The following CDH12 variants were observed in gnomAD, a reference collection of about 807,000 sequenced individuals.
CDH12 encodes the protein cadherin 12.
A neutral mutation model predicts 74.1 loss-of-function variants in CDH12; 41 were observed. That is an observed-to-expected ratio of 0.55 (90% CI 0.43 to 0.72). CDH12 has a LOEUF of 0.72. Ranked by LOEUF, CDH12 falls within the 30% of genes least tolerant of loss-of-function variation. CDH12 has a pLI of 0.00. For missense variants in CDH12, 945 were observed against 977.2 expected (o/e 0.97, Z 0.44); for synonymous variants, 399 against 355.0 (o/e 1.12, Z -1.39).
intron 1 of CDH12, among the ~76,000 whole-genome samples, chr5:22,830,926 A>T (rs537319375): frequency 6.8e-4 from 104 of 151,904 alleles, no homozygotes; most frequent in African/African-American, 2.4e-3. Flanking sequence ...ATGAAACAAC[A>T]TAAACTCCTC....
chr5:22,508,739 T>A (rs114648278), intron 1 of CDH12, among the ~76,000 whole-genome samples: 4 of 152,120 alleles, frequency 2.6e-5, no homozygotes, highest in African/African-American at 9.7e-5. Context: ...ACCTACAGCC[T>A]GGAAACCACC....
At chr5:22,487,137 G>C (rs535280015) in intron 2 of CDH12, among the ~76,000 whole-genome samples, 1 of 151,878 alleles carries the variant, frequency 6.6e-6, no homozygotes, top group Non-Finnish European at 1.5e-5. Flanking sequence ...TGAGTAGCTG[G>C]GATTACAGGC....
intron 3 of CDH12, among the ~76,000 whole-genome samples, chr5:22,220,346 T>C (rs1428944524): frequency 2.0e-5 from 3 of 151,736 alleles, no homozygotes; most frequent in African/African-American, 4.8e-5. Flanking sequence ...ATTTTATTGA[T>C]TAGACATAAA....
At chr5:22,406,289 T>C (rs1231047603) in intron 2 of CDH12, among the ~76,000 whole-genome samples, 1 of 152,128 alleles carries the variant, frequency 6.6e-6, no homozygotes, top group Non-Finnish European at 1.5e-5. Flanking sequence ...AATTAATAGT[T>C]AGCTGAACTG....
chr5:22,311,243 T>C (rs950442667), intron 3 of CDH12, among the ~76,000 whole-genome samples: 1 of 152,258 alleles, frequency 6.6e-6, no homozygotes, highest in Non-Finnish European at 1.5e-5. Flanking sequence ...TAGGAGCAAT[T>C]ACAAGTAGGA....
intron 3 of CDH12, among the ~76,000 whole-genome samples, chr5:22,321,249 G>A (rs992115820): frequency 4.0e-5 from 6 of 150,810 alleles, no homozygotes; most frequent in African/African-American, 1.5e-4. Context: ...CAACCCAAAT[G>A]TCCAACAATG....
At chr5:22,170,298 T>A (rs913949677) in intron 4 of CDH12, among the ~76,000 whole-genome samples, 4 of 151,968 alleles carry the variant, frequency 2.6e-5, no homozygotes, top group African/African-American at 9.7e-5. Flanking sequence ...TCTTGATGTA[T>A]CTTCTAGGTG....
At chr5:22,374,061 AC>A (rs1741412733) in intron 3 of CDH12, among the ~76,000 whole-genome samples, 1 of 152,168 alleles carries the variant, frequency 6.6e-6, no homozygotes, top group African/African-American at 2.4e-5. Flanking sequence ...AAAATCCTCA[AC>A]AAAATACTAG....
rs70957059 is a variant in CDH12, at chr5:21,751,632, T to TTGTGTGTGTGTGTGTG, written c.*89_*104dup. 6.9e-4 allele frequency: 397 copies of TTGTGTGTGTGTGTGTG among 572,970 alleles called. 1 individual carries two copies. In the African/African-American group the frequency reaches 7.0e-3, roughly 10 times the overall value. 35.5% of individuals were successfully genotyped at this position (572,970 alleles called of 1,614,324 possible). A position where few individuals can be genotyped will look rare whatever the true frequency, so the allele number is the denominator to read the frequency against. On this transcript the variant is annotated 3_prime_UTR_variant, in exon 15 of 15. Coordinates refer to ENST00000382254, the MANE Select transcript of CDH12 (RefSeq NM_004061.5). ...AGAGTGTGTGTGTGTGTGTGTGTGT[T>TTGTGTGTGTGTGTGTG]TGTGTGTGTGTGTGTGTGTGAGAGA...
At chr5:22,723,607 C>A (rs977268644) in intron 1 of CDH12, among the ~76,000 whole-genome samples, 2 of 152,102 alleles carry the variant, frequency 1.3e-5, no homozygotes, top group Non-Finnish European at 2.9e-5. Context: ...TACCTCCTGG[C>A]ACAATCATCA....
chr5:22,495,856 C>G (rs941013964), intron 2 of CDH12, among the ~76,000 whole-genome samples: 10 of 152,028 alleles, frequency 6.6e-5, no homozygotes, highest in Non-Finnish European at 1.2e-4. Context: ...ATTTTGACAT[C>G]GGGGAAACAC....
intron 4 of CDH12, among the ~76,000 whole-genome samples, chr5:22,198,728 G>GC (rs1750759657): frequency 6.6e-6 from 1 of 151,972 alleles, no homozygotes; most frequent in Non-Finnish European, 1.5e-5. Context: ...ATTGGTAATG[G>GC]CTTTATGTGG....
chr5:22,678,012 T>C (rs1341526970), intron 1 of CDH12, among the ~76,000 whole-genome samples: 1 of 136,990 alleles, frequency 7.3e-6, no homozygotes, highest in Non-Finnish European at 1.6e-5. Flanking sequence ...TAAACCTAAA[T>C]ACCAGAAGGC....
At chr5:22,244,672 A>C (rs370286382) in intron 3 of CDH12, among the ~76,000 whole-genome samples, 1 of 149,502 alleles carries the variant, frequency 6.7e-6, no homozygotes, top group East Asian at 2.0e-4. Context: ...GAAAGAAAGA[A>C]AGAGAAGGAA....
chr5:22,492,593 T>TA (rs1746926810), intron 2 of CDH12, among the ~76,000 whole-genome samples: 1 of 152,128 alleles, frequency 6.6e-6, no homozygotes, highest in African/African-American at 2.4e-5. Context: ...GTGATCCACA[T>TA]GCCTCAGCCT....
chr5:22,439,753 C>T lies in CDH12; in HGVS notation c.-427-34402G>A, dbSNP rs77468186. ...AGCAGAAAGAAGACATAAAAATCCC[C>T]CATGAAAAGGTCTGTTATGAGGTTT... On this transcript the variant is annotated intron_variant, in intron 2 of 14. Transcript: ENST00000382254. Among the ~76,000 whole-genome samples the T allele has an allele frequency of 8.6e-3, 1,302 of 152,060 alleles. 11 individuals carry two copies. Among genetic ancestry groups the T allele is most frequent in the South Asian group, 0.027 (130 of 4,810 alleles).
chr5:22,052,838 A>C (rs1740469449), intron 5 of CDH12, among the ~76,000 whole-genome samples: 1 of 152,104 alleles, frequency 6.6e-6, no homozygotes, highest in Admixed American at 6.6e-5. Context: ...CCAAAAAATA[A>C]AAACAAATTA....
At chr5:22,835,298 G>GA (rs1736774405) in intron 1 of CDH12, among the ~76,000 whole-genome samples, 1 of 152,014 alleles carries the variant, frequency 6.6e-6, no homozygotes, top group African/African-American at 2.4e-5. Flanking sequence ...TTCTGGAAAT[G>GA]AAAAACAGTC....
At chr5:22,693,054 T>C (rs1355614446) in intron 1 of CDH12, among the ~76,000 whole-genome samples, 1 of 152,052 alleles carries the variant, frequency 6.6e-6, no homozygotes, top group Non-Finnish European at 1.5e-5. Flanking sequence ...TTTTGCTATG[T>C]TGCCTGGGTT....
Sources: gnomAD v4.1 joint callset for allele counts (sites outside exome capture counted in the v4.1 genomes callset) on GRCh38, gnomAD v4.1.1 for gene constraint, MANE v1.5 for transcripts, NCBI Gene and HGNC (gene_info 2026-07-23, HGNC 2026-07-21) for gene names.